SANBR: variants seen among roughly 807,000 people sequenced by gnomAD.
The protein encoded by SANBR is SANT and BTB domain regulator of class switch recombination.
In SANBR, 77 loss-of-function variants were observed where a neutral mutation model predicts 101.8. The observed-to-expected ratio is 0.76, with a 90% CI of 0.63 to 0.91. The LOEUF is 0.91. Among genes scored for constraint, SANBR ranks in the 40% least tolerant of loss-of-function variants. The pLI is 0.00. For synonymous variants in SANBR, 279 were observed against 274.7 expected, an observed-to-expected ratio of 1.02 and a Z score of -0.15; for missense variants, 875 against 853.0, an observed-to-expected ratio of 1.03 and a Z score of -0.32.
intron 12 of SANBR, among the ~76,000 whole-genome samples, chr2:61,099,543 G>T (rs941257068): frequency 6.6e-6 from 1 of 152,164 alleles, no homozygotes; most frequent in African/African-American, 2.4e-5. Context: ...TTCTGTTTTG[G>T]ACATTTTGAG....
chr2:61,079,216 T>C (rs1681956204), intron 6 of SANBR, among the ~76,000 whole-genome samples: 1 of 152,136 alleles, frequency 6.6e-6, no homozygotes, highest in Non-Finnish European at 1.5e-5. Flanking sequence ...TTCTCAGTTT[T>C]TAAGATTGTA....
intron 20 of SANBR, among the ~76,000 whole-genome samples, chr2:61,130,900 A>C (rs1684666622): frequency 8.3e-6 from 1 of 120,178 alleles, no homozygotes; most frequent in Non-Finnish European, 1.6e-5. Context: ...ATTGCACTCC[A>C]GTCTGGGTGA....
chr2:61,102,393 T>C (rs1293498528), intron 12 of SANBR, among the ~76,000 whole-genome samples: 4 of 129,276 alleles, frequency 3.1e-5, no homozygotes, highest in Non-Finnish European at 4.9e-5. Context: ...AAAAAAAAAA[T>C]TGGAGAAAGA....
intron 8 of SANBR, among the ~76,000 whole-genome samples, chr2:61,087,396 AT>A (rs200541859): frequency 0.3 from 43,525 of 146,290 alleles, 6,494 homozygotes; most frequent in East Asian, 0.43. Flanking sequence ...ATCTCTACAG[AT>A]TTTTTTTTTT....
At position 61,124,250 on chromosome 2, in the gene SANBR, T is replaced by G. The variant is rs944299024; in HGVS notation, c.*2088T>G. 5 of 966,736 alleles carry G rather than the reference T, an allele frequency of 5.2e-6. No homozygotes were observed. Among genetic ancestry groups the G allele is most frequent in the Non-Finnish European group, 6.2e-6 (5 of 812,902 alleles). The allele number at this position is 966,736 out of a possible 1,614,324, so 59.9% of individuals were successfully genotyped here. A position where few individuals can be genotyped will look rare whatever the true frequency, so the allele number is the denominator to read the frequency against. On this transcript the variant is annotated 3_prime_UTR_variant, in exon 22 of 22. Coordinates refer to ENST00000402291, the MANE Select transcript of SANBR (RefSeq NM_001129993.3). ...CTTACATTAATCCTGGATTCACATT[T>G]CTTTAATTGAAATAAATGTTAATGA...
rs754119705 is a variant in SANBR, at chr2:61,073,527, G to A, written c.407G>A (p.Gly136Glu). 2.5e-6 allele frequency: 4 copies of A among 1,573,924 alleles called. No homozygotes were observed. The Admixed American group carries it at 7.0e-5, about 28-fold the overall frequency. ...ESENCTTHNG[G>E]EMTEESEGPN... is the part of the protein sequence containing the mutation. The stretch of plus-strand genomic sequence containing the variant: ...GAAAATTGTACTACTCATAATGGTG[G>A]AGAAATGACTGAAGAATCTGAAGGG... The change falls in exon 5 of 22, where the codon GGA becomes GAA. Residue 136 changes from glycine (G) to glutamate (E), a missense_variant. By Grantham distance (98) the Gly-to-Glu change is moderately conservative (BLOSUM62 -2). Transcript: ENST00000402291.
chr2:61,134,033 A>G (rs956398605), intron 20 of SANBR: 8 of 1,528,742 alleles, frequency 5.2e-6, no homozygotes, highest in Admixed American at 1.8e-5. Flanking sequence ...AATCTCACCA[A>G]TTTATCCTAA....
Position 61,083,331 on chromosome 2 carries a change from A to T in SANBR, c.890+17A>T. The stretch of plus-strand genomic sequence containing the variant: ...ATTTAAAAGGTAATTTCAAAAGTTT[A>T]ATTTTAAACCTAATACTCCTGTTAA... On this transcript the variant is annotated intron_variant, in intron 8 of 21. Coordinates refer to ENST00000402291, the MANE Select transcript of SANBR (RefSeq NM_001129993.3). 2.1e-6 allele frequency: 3 copies of T among 1,426,740 alleles called. No homozygotes were observed. Among genetic ancestry groups the T allele is most frequent in the Non-Finnish European group, 2.9e-6 (3 of 1,022,944 alleles). The allele number at this position is 1,426,740 out of a possible 1,614,324, so 88.4% of individuals were successfully genotyped here. A position where few individuals can be genotyped will look rare whatever the true frequency, so the allele number is the denominator to read the frequency against.
At chr2:61,082,150 G>A (rs192274804) in intron 7 of SANBR, among the ~76,000 whole-genome samples, 4 of 152,252 alleles carry the variant, frequency 2.6e-5, no homozygotes, top group Admixed American at 6.5e-5. Flanking sequence ...GGGATTATAG[G>A]TGTGAGCCAC....
intron 3 of SANBR, among the ~76,000 whole-genome samples, chr2:61,070,795 G>T (rs1481115819): frequency 2.1e-5 from 3 of 145,746 alleles, no homozygotes; most frequent in East Asian, 2.0e-4. Context: ...GTTTTTTTGA[G>T]GCAGGATCTC....
At chr2:61,104,681 A>G (rs898642926) in intron 13 of SANBR, among the ~76,000 whole-genome samples, 8 of 151,998 alleles carry the variant, frequency 5.3e-5, no homozygotes, top group Non-Finnish European at 7.4e-5. Context: ...CTCCATGAGT[A>G]TGAACTTCTC....
intron 4 of SANBR, 36 bp from the exon 5 acceptor site, chr2:61,073,422 T>C (rs1295621359): frequency 1.1e-5 from 4 of 380,434 alleles, no homozygotes; most frequent in South Asian, 5.8e-5. Context: ...AACCCCCACC[T>C]TTTTTTTTTT....
chr2:61,109,211 G>A lies in SANBR; in HGVS notation c.1659G>A (p.Leu553=). 1.3e-6 allele frequency: 2 copies of A among 1,509,818 alleles called. No individual in the cohort carries two copies. Among genetic ancestry groups the A allele is most frequent in the Middle Eastern group, 1.7e-4 (1 of 5,724 alleles). The allele number at this position is 1,509,818 out of a possible 1,614,324, so 93.5% of individuals were successfully genotyped here. A position where few individuals can be genotyped will look rare whatever the true frequency, so the allele number is the denominator to read the frequency against. ...NWTLQLKQQS[L]FSEEEEYTTG... ...TTTTAACTTAGAAACAACAGTCACTGTTTTCAGAAGAAGAAGAATATACCA... is the reference window on the plus strand; with the variant it reads ...TTTTAACTTAGAAACAACAGTCACTATTTTCAGAAGAAGAAGAATATACCA... Residue 553 remains leucine (L), a synonymous_variant, in exon 16 of 22, where the codon CTG becomes CTA. Transcript: ENST00000402291.
chr2:61,083,068 T>C (rs1335195082), intron 7 of SANBR, 86 bp from the exon 8 acceptor site: 2 of 1,090,606 alleles, frequency 1.8e-6, no homozygotes, highest in African/African-American at 3.1e-5. Flanking sequence ...GATTAGACTT[T>C]TAATGAATTT....
rs1303472890 is a variant in SANBR, at chr2:61,122,232, A to T, written c.*70A>T. The T allele has an allele frequency of 3.7e-5, 55 of 1,494,658 alleles. No homozygotes were observed. Among genetic ancestry groups the T allele is most frequent in the Non-Finnish European group, 4.8e-5 (54 of 1,119,392 alleles). The allele number at this position is 1,494,658 out of a possible 1,614,324, so 92.6% of individuals were successfully genotyped here. ...ACATCTGAAATTGCTCACTTCTTGA[A>T]GATCTTCAGAACAATGACTTCCAAC... On this transcript the variant is annotated 3_prime_UTR_variant, in exon 22 of 22. Transcript: ENST00000402291.
intron 16 of SANBR, among the ~76,000 whole-genome samples, chr2:61,113,690 GTTATTTGC>G (rs1217982755): frequency 1.3e-5 from 2 of 152,254 alleles, no homozygotes; most frequent in East Asian, 3.9e-4. Context: ...GCTAAATTCA[GTTATTTGC>G]TCTTCATTTA....
rs1479697643 is a variant in SANBR at position 61,070,324 on chromosome 2, T to C, written c.-9-18T>C. ...GATTTCGGGTTTAAATAAAGCTTTT[T>C]GTCTTCCCTATCCCTAGTTCCAAAA... On this transcript the variant is annotated intron_variant, in intron 2 of 21. Transcript: ENST00000402291. 3.9e-6 allele frequency: 6 copies of C among 1,536,344 alleles called. No individual in the cohort carries two copies. Among genetic ancestry groups the C allele is most frequent in the East Asian group, 4.9e-5 (2 of 40,926 alleles).
chr2:61,070,473 G>A lies in SANBR; in HGVS notation c.123G>A (p.Arg41=), dbSNP rs1291054010. 1.2e-6 allele frequency: 2 copies of A among 1,604,898 alleles called. No individual in the cohort carries two copies. Among genetic ancestry groups the A allele is most frequent in the Non-Finnish European group, 1.7e-6 (2 of 1,176,686 alleles). Reference sequence around the variant, plus strand: ...CTATCAACTGGGAAACTATAGCAAGGCTCGTGCCTGGATTAACACCAAAAG... The same window carrying A: ...CTATCAACTGGGAAACTATAGCAAGACTCGTGCCTGGATTAACACCAAAAG... ...PQTINWETIA[R]LVPGLTPKEC... The change falls in exon 3 of 22, where the codon AGG becomes AGA. Residue 41 remains arginine, a synonymous_variant. Transcript: ENST00000402291.
Position 61,122,431 on chromosome 2 carries a change from T to G in SANBR, c.*269T>G. On this transcript the variant is annotated 3_prime_UTR_variant, in exon 22 of 22. Transcript: ENST00000402291. ...ATTTACAAATTTGCATAGTTGAGAC[T>G]CCCAGTGTTTTCCTTTATTTATTTG... is the stretch of plus-strand genomic sequence containing the variant. 1 of 1,161,066 alleles carries G rather than the reference T, an allele frequency of 8.6e-7. No individual in the cohort carries two copies. The highest frequency in any genetic ancestry group is 1.1e-6 in the Non-Finnish European group (1 of 943,384). The allele number at this position is 1,161,066 out of a possible 1,614,324, so 71.9% of individuals were successfully genotyped here.
Sources: allele counts gnomAD v4.1 joint callset (sites outside exome capture counted in the v4.1 genomes callset), GRCh38; gene constraint gnomAD v4.1.1; transcripts MANE v1.5; gene names NCBI Gene and HGNC (gene_info 2026-07-23, HGNC 2026-07-21).